Variants in OTOGL observed in about 807,000 individuals in gnomAD.
OTOGL encodes otogelin like, also known as otogelin-like protein.
A neutral mutation model predicts 318.5 loss-of-function variants in OTOGL; 285 were observed. The observed-to-expected ratio is 0.89, with a 90% confidence interval of 0.81 to 0.99. The LOEUF is 0.99. OTOGL is among the 50% of genes least tolerant of loss of function. The pLI is 0.00. For missense variants in OTOGL, 2,899 were observed against 2,845.6 expected, an observed-to-expected ratio of 1.02 and a Z score of -0.43; for synonymous variants, 987 against 936.5, an observed-to-expected ratio of 1.05 and a Z score of -0.99.
At chr12:80,369,770 T>C (rs1890768563) in intron 55 of OTOGL, among the ~76,000 whole-genome samples, 1 of 151,964 alleles carries the variant, frequency 6.6e-6, no homozygotes, top group African/African-American at 2.4e-5. Context: ...TAGAACAACA[T>C]GCCCCCACCA....
At chr12:80,108,303 T>A (rs1592457527) in intron 1 of OTOGL, among the ~76,000 whole-genome samples, 2 of 152,174 alleles carry the variant, frequency 1.3e-5, no homozygotes, top group East Asian at 3.9e-4. Flanking sequence ...TATTCTGTTA[T>A]AATATAATTG....
rs201404227 is a variant in OTOGL at position 80,336,972 on chromosome 12, C to A, written c.4828C>A (p.His1610Asn). The stretch of plus-strand genomic sequence containing the variant: ...GAAGTTAAATGTGACAACACCCATA[C>A]ATAAAATAATTGTCAATCGGTTGGC... The part of the protein sequence containing the change: ...FKKLNVTTPI[H>N]KIIVNRLARK... The change falls in exon 42 of 59, where the codon CAT (histidine) becomes AAT (asparagine). Residue 1610 changes from histidine to asparagine, a missense_variant. Transcript: ENST00000547103. 2 of 1,592,800 alleles carry A rather than the reference C, an allele frequency of 1.3e-6. No individual in the cohort carries two copies. The highest frequency in any genetic ancestry group is 2.3e-5 in the South Asian group (2 of 87,388).
At chr12:80,369,771 G>T (rs926005321) in intron 55 of OTOGL, among the ~76,000 whole-genome samples, 15 of 151,910 alleles carry the variant, frequency 9.9e-5, no homozygotes, top group African/African-American at 3.6e-4. Context: ...AGAACAACAT[G>T]CCCCCACCAT....
At chr12:80,189,235 C>A in intron 1 of OTOGL, 1 of 168,068 alleles carries the variant, frequency 5.9e-6, no homozygotes, top group Non-Finnish European at 1.2e-5. Flanking sequence ...AGTTCAAGGT[C>A]CCATGTCCCA....
chr12:80,236,783 T>C (rs536738767), intron 9 of OTOGL, among the ~76,000 whole-genome samples: 1 of 151,566 alleles, frequency 6.6e-6, no homozygotes, highest in South Asian at 2.1e-4. Context: ...CTTTTCGTTT[T>C]TGTTTTTGTT....
chr12:80,339,298 GTTTTTTTTTTTT>G (rs10715159), intron 43 of OTOGL, 34 bp downstream of exon 43: 44 of 538,110 alleles, frequency 8.2e-5, no homozygotes, highest in African/African-American at 3.5e-4. Flanking sequence ...GATTTCGTCT[GTTTTTTTTTTTT>G]TTTTTTTTTT....
intron 1 of OTOGL, among the ~76,000 whole-genome samples, chr12:80,112,198 G>A (rs1869882636): frequency 6.6e-6 from 1 of 152,084 alleles, no homozygotes; most frequent in Admixed American, 6.6e-5. Context: ...TAAAACAGAG[G>A]TAATTTGATG....
intron 1 of OTOGL, among the ~76,000 whole-genome samples, chr12:80,166,407 GT>G (rs1327283901): frequency 6.6e-6 from 1 of 152,058 alleles, no homozygotes; most frequent in Non-Finnish European, 1.5e-5. Context: ...ATAAATCTAA[GT>G]CTTGCTCTTA....
At chr12:80,318,297 T>C (rs1887099231) in intron 32 of OTOGL, among the ~76,000 whole-genome samples, 1 of 152,124 alleles carries the variant, frequency 6.6e-6, no homozygotes, top group Non-Finnish European at 1.5e-5. Context: ...TGCAGTAAGA[T>C]TAAACCTTTA....
intron 1 of OTOGL, among the ~76,000 whole-genome samples, chr12:80,156,580 G>A (rs1014436968): frequency 5.3e-4 from 80 of 152,142 alleles, no homozygotes; most frequent in African/African-American, 1.8e-3. Context: ...TGAGTCATGA[G>A]GAGAAGTCTT....
intron 49 of OTOGL, 33 bp from the exon 50 acceptor site, chr12:80,358,215 A>G: frequency 7.2e-7 from 1 of 1,390,794 alleles, no homozygotes; most frequent in Non-Finnish European, 1.0e-6. Flanking sequence ...TTTTTAGCTC[A>G]GCTGTGATTT....
chr12:80,302,743 G>T lies in OTOGL; in HGVS notation c.3173G>T (p.Arg1058Met). Residue 1058 changes from arginine (R) to methionine (M), a missense_variant, in exon 28 of 59, where the codon AGG becomes ATG. Physicochemically the swap from Arg to Met is moderately conservative, Grantham distance 91 (BLOSUM62 -1). Coordinates refer to ENST00000547103, the MANE Select transcript of OTOGL (RefSeq NM_001378609.3). Reference protein sequence around the residue: ...PEKDITILWDRKTTIHIKVGP... With the variant: ...PEKDITILWDMKTTIHIKVGP... ...AAAGATATCACTATTCTTTGGGATAGGAAGACAACTATTCATATCAAAGTT... is the reference window on the plus strand; with the variant it reads ...AAAGATATCACTATTCTTTGGGATATGAAGACAACTATTCATATCAAAGTT... 1 of 1,541,068 alleles carries T rather than the reference G, an allele frequency of 6.5e-7. No homozygotes were observed. Among genetic ancestry groups the T allele is most frequent in the Non-Finnish European group, 8.7e-7 (1 of 1,148,804 alleles).
At chr12:80,206,493 C>G (rs559847984) in intron 1 of OTOGL, among the ~76,000 whole-genome samples, 2 of 152,008 alleles carry the variant, frequency 1.3e-5, no homozygotes, top group African/African-American at 4.8e-5. Context: ...CTGAGGCTTC[C>G]TCTTACAAAT....
intron 32 of OTOGL, among the ~76,000 whole-genome samples, chr12:80,315,267 C>A (rs1417462567): frequency 1.3e-5 from 2 of 152,110 alleles, no homozygotes; most frequent in South Asian, 2.1e-4. Flanking sequence ...ATTTTGCCAT[C>A]ATTGTAGGCA....
intron 4 of OTOGL, among the ~76,000 whole-genome samples, chr12:80,215,422 C>A (rs2137325859): frequency 6.6e-6 from 1 of 152,176 alleles, no homozygotes; most frequent in East Asian, 1.9e-4. Flanking sequence ...CCACCACGGC[C>A]TCCCAAAGTG....
At chr12:80,279,235 T>A in intron 26 of OTOGL, 69 bp downstream of exon 26, 1 of 1,369,790 alleles carries the variant, frequency 7.3e-7, no homozygotes, top group Non-Finnish European at 9.9e-7. Context: ...AGTATGCTGG[T>A]CCCTGATATA....
chr12:80,261,474 A>G (rs1882519957), intron 18 of OTOGL, among the ~76,000 whole-genome samples: 1 of 152,154 alleles, frequency 6.6e-6, no homozygotes, highest in African/African-American at 2.4e-5. Flanking sequence ...TGAAATATTG[A>G]ACTGGATATA....
Position 80,328,966 on chromosome 12 carries a change from T to A in OTOGL, c.4280-85T>A, listed in dbSNP as rs1887889452. ...ATTCTTTTTCCCAAAACATTTTCCTTGAAGCTAAAGAGTCCTCTATGAAAT... is the reference window on the plus strand; with the variant it reads ...ATTCTTTTTCCCAAAACATTTTCCTAGAAGCTAAAGAGTCCTCTATGAAAT... On this transcript the variant is annotated intron_variant, in intron 36 of 58. Coordinates refer to ENST00000547103, the MANE Select transcript of OTOGL (RefSeq NM_001378609.3). The A allele has an allele frequency of 4.7e-6, 6 of 1,280,440 alleles. No homozygotes were observed. In the South Asian group the frequency reaches 7.1e-5, roughly 15 times the overall value. The allele number at this position is 1,280,440 out of a possible 1,614,324, so 79.3% of individuals were successfully genotyped here.
Position 80,233,017 on chromosome 12 carries a change from C to A in OTOGL, c.737C>A (p.Ser246Tyr). The change falls in exon 9 of 59, where the codon TCT (serine) becomes TAT (tyrosine). Residue 246 changes from serine (S) to tyrosine (Y), a missense_variant. Transcript: ENST00000547103. ...ATATCTGGGATCTACCTCAAGCTGT[C>A]TGAGGACCATAAGGGGAAATCATGT... The part of the protein sequence containing the change: ...DGISGIYLKL[S>Y]EDHKGKSCGL... 1.9e-6 allele frequency: 3 copies of A among 1,598,516 alleles called. No individual in the cohort carries two copies. The highest frequency in any genetic ancestry group is 2.5e-6 in the Non-Finnish European group (3 of 1,178,942).
Sources: gnomAD v4.1 joint callset for allele counts (sites outside exome capture counted in the v4.1 genomes callset) on GRCh38, gnomAD v4.1.1 for gene constraint, MANE v1.5 for transcripts, NCBI Gene and HGNC (gene_info 2026-07-23, HGNC 2026-07-21) for gene names.